KIF11: variants seen among roughly 807,000 people sequenced by gnomAD.
The protein encoded by KIF11 is kinesin-like protein KIF11.
KIF11 carries 9 observed loss-of-function variants against 121.0 expected under a neutral mutation model. The observed-to-expected ratio is 0.07, with a 90% CI of 0.04 to 0.13. The LOEUF (loss-of-function observed/expected upper bound fraction) is 0.13. Among genes scored for constraint, KIF11 ranks in the 10% least tolerant of loss-of-function variants. The pLI is 1.00. For missense variants in KIF11, 846 were observed against 1,217.5 expected (o/e 0.69, Z 4.54); for synonymous variants, 408 against 421.0 (o/e 0.97, Z 0.38).
At chr10:92,649,291 G>A (rs182404982) in intron 19 of KIF11, among the ~76,000 whole-genome samples, 6 of 152,114 alleles carry the variant, frequency 3.9e-5, no homozygotes, top group Non-Finnish European at 8.8e-5. Flanking sequence ...ATGAGAGCAT[G>A]AGCTTATTAC....
Position 92,593,205 on chromosome 10 carries a change from A to C in KIF11, c.-171A>C. The C allele has an allele frequency of 1.7e-6, 1 of 575,550 alleles. No homozygotes were observed. The allele number at this position is 575,550 out of a possible 1,614,324, so 35.7% of individuals were successfully genotyped here. A position where few individuals can be genotyped will look rare whatever the true frequency, so the allele number is the denominator to read the frequency against. On this transcript the variant is annotated 5_prime_UTR_variant, in exon 1 of 22. Coordinates refer to ENST00000260731, the MANE Select transcript of KIF11 (RefSeq NM_004523.4). ...CTGGCGCGGGACAAACGCCACGGCC[A>C]GAGTACCGGGTAGAGAGCGGGGACG...
Position 92,645,418 on chromosome 10 carries a change from G to C in KIF11, c.2323G>C (p.Asp775His). 1 of 1,613,436 alleles carries C rather than the reference G, an allele frequency of 6.2e-7. No homozygotes were observed. The highest frequency in any genetic ancestry group is 1.1e-5 in the South Asian group (1 of 91,020). ...MTFHSQKFCA[D>H]SDGFSQELRN... is the part of the protein sequence containing the mutation. ...TTTTCACAGTCAAAAATTTTGTGCTGATTCTGATGGCTTCTCACAGGAACT... is the reference window on the plus strand; with the variant it reads ...TTTTCACAGTCAAAAATTTTGTGCTCATTCTGATGGCTTCTCACAGGAACT... The change falls in exon 18 of 22, where the codon GAT becomes CAT. Residue 775 changes from aspartate to histidine, a missense_variant. This residue lies in a region of KIF11 where 492 missense variants were observed against 603.4 expected (regional missense o/e 0.82). Coordinates refer to ENST00000260731, the MANE Select transcript of KIF11 (RefSeq NM_004523.4).
intron 1 of KIF11, 112 bp from the exon 2 acceptor site, chr10:92,606,153 A>G (rs1284385678): frequency 1.1e-6 from 1 of 934,110 alleles, no homozygotes; most frequent in Non-Finnish European, 1.6e-6. Context: ...CTCCATCACC[A>G]ACAATGTGGT....
intron 1 of KIF11, chr10:92,596,735 T>C (rs1426801406): frequency 6.6e-6 from 1 of 152,390 alleles, no homozygotes; most frequent in African/African-American, 2.4e-5. Flanking sequence ...TTGTTGAGTT[T>C]TAGGAATTTT....
intron 10 of KIF11, among the ~76,000 whole-genome samples, chr10:92,621,962 A>G (rs1198796325): frequency 6.6e-6 from 1 of 152,196 alleles, no homozygotes; most frequent in Non-Finnish European, 1.5e-5. Context: ...AGTCTTCCTC[A>G]GTGGTTATCT....
chr10:92,650,271 T>C (rs966061580), intron 20 of KIF11, 130 bp from the exon 21 acceptor site: 4 of 652,208 alleles, frequency 6.1e-6, no homozygotes, highest in Admixed American at 2.5e-5. Context: ...TTGTAGACTT[T>C]CTAATAATTT....
Position 92,613,668 on chromosome 10 carries a change from T to A in KIF11, c.1032+49T>A. 6.5e-7 allele frequency: 1 copy of A among 1,534,558 alleles called. No individual in the cohort carries two copies. The highest frequency in any genetic ancestry group is 1.2e-5 in the South Asian group (1 of 80,716). ...CAAGTGTAGTAGCTGTAATTCTTATTTGGCTATTATATATTTTAAAAGTTC... is the reference window on the plus strand; with the variant it reads ...CAAGTGTAGTAGCTGTAATTCTTATATGGCTATTATATATTTTAAAAGTTC... On this transcript the variant is annotated intron_variant, in intron 8 of 21. Transcript: ENST00000260731. This position sits in a 1 kb window ranked among gnomAD's most constrained non-coding sequence, Gnocchi z 4.2.
intron 1 of KIF11, among the ~76,000 whole-genome samples, chr10:92,599,396 G>A (rs994063613): frequency 4.6e-5 from 7 of 151,116 alleles, no homozygotes; most frequent in East Asian, 4.1e-4. Context: ...ATCGTGGCGC[G>A]TGCCTGTAGT....
rs149254459 is a variant in KIF11, at chr10:92,647,481, G to T, written c.2548-731G>T. ...TTAAGACCTATGAACCAAATCTAGT[G>T]GTGAATTCTGGTTCAAACAAAGCAA... On this transcript the variant is annotated intron_variant, in intron 18 of 21. Transcript: ENST00000260731. Among the ~76,000 whole-genome samples the T allele has an allele frequency of 1.2e-4, 19 of 152,236 alleles. No individual in the cohort carries two copies. In the East Asian group the frequency reaches 2.7e-3, roughly 22 times the overall value.
chr10:92,651,523 T>G (rs1186625070), intron 21 of KIF11, among the ~76,000 whole-genome samples: 2 of 76,786 alleles, frequency 2.6e-5, no homozygotes, highest in African/African-American at 9.5e-5. Context: ...TTTTTTTTTT[T>G]TTTTTTTTTT....
At chr10:92,651,508 T>TATTTTTTC (rs57998983) in intron 21 of KIF11, among the ~76,000 whole-genome samples, 398 of 30,916 alleles carry the variant, frequency 0.013, 71 homozygotes, top group East Asian at 0.038. Flanking sequence ...GCTAATTTTG[T>TATTTTTTC]TTTTTTTTTT....
intron 17 of KIF11, among the ~76,000 whole-genome samples, chr10:92,643,208 A>G (rs1050215173): frequency 6.6e-6 from 1 of 152,152 alleles, no homozygotes; most frequent in Non-Finnish European, 1.5e-5. Flanking sequence ...CACTGCACCC[A>G]GCTGCCTTTC....
chr10:92,645,105 G>A (rs1844904613), intron 17 of KIF11, among the ~76,000 whole-genome samples: 1 of 152,196 alleles, frequency 6.6e-6, no homozygotes, highest in Non-Finnish European at 1.5e-5. Flanking sequence ...GATTTTGAAA[G>A]CATCATAACT....
intron 9 of KIF11, among the ~76,000 whole-genome samples, chr10:92,619,320 C>T (rs1308822442): frequency 1.3e-5 from 2 of 151,996 alleles, no homozygotes. Flanking sequence ...CCCAGCAGAT[C>T]TTTCTTTTTT....
At chr10:92,650,325 T>G (rs1844967325) in intron 20 of KIF11, 76 bp from the exon 21 acceptor site, 2 of 809,150 alleles carry the variant, frequency 2.5e-6, no homozygotes, top group South Asian at 2.9e-5. Context: ...CATTGTGTTA[T>G]ACTCAAAGCT....
At chr10:92,637,932 G>T (rs1012260372) in intron 16 of KIF11, among the ~76,000 whole-genome samples, 3 of 152,108 alleles carry the variant, frequency 2.0e-5, no homozygotes, top group Non-Finnish European at 2.9e-5. Context: ...CATAAACCAA[G>T]TCCTACTTTC....
rs1844616482 is a variant in KIF11 at position 92,621,481 on chromosome 10, C to T, written c.1217+8C>T. 6.5e-7 allele frequency: 1 copy of T among 1,545,698 alleles called. No homozygotes were observed. Among genetic ancestry groups the T allele is most frequent in the Non-Finnish European group, 8.9e-7 (1 of 1,120,268 alleles). On this transcript the variant is annotated splice_region_variant and intron_variant, in intron 10 of 21. Transcript: ENST00000260731. ...TTCTGAAGAAAATTTTAGGTAAGCC[C>T]TTGGCTATGGAGTTAATTTCCAAGA...
At chr10:92,650,555 A>G (rs1351799987) in intron 21 of KIF11, 38 bp downstream of exon 21, 2 of 1,095,554 alleles carry the variant, frequency 1.8e-6, no homozygotes, top group African/African-American at 3.1e-5. Flanking sequence ...ATCTGATGTA[A>G]GTCATTCATT....
chr10:92,608,971 C>G, intron 4 of KIF11, 49 bp from the exon 5 acceptor site: 1 of 1,056,310 alleles, frequency 9.5e-7, no homozygotes, highest in Non-Finnish European at 1.3e-6. Flanking sequence ...TTTTAACTGC[C>G]ACAGTAAATG....
Sources: allele counts gnomAD v4.1 joint callset (sites outside exome capture counted in the v4.1 genomes callset), GRCh38; gene constraint gnomAD v4.1.1; regional missense constraint gnomAD v4.1.1; non-coding constraint Gnocchi (gnomAD v3.1); transcripts MANE v1.5; gene names NCBI Gene and HGNC (gene_info 2026-07-23, HGNC 2026-07-21).